PRKCE: variants seen among roughly 807,000 people sequenced by gnomAD.
The protein encoded by PRKCE is protein kinase C epsilon type.
In PRKCE, 16 loss-of-function variants were observed where a neutral mutation model predicts 85.4. That is an observed-to-expected ratio of 0.19 (90% CI 0.13 to 0.28). The LOEUF is 0.28. PRKCE is among the 10% of genes least tolerant of loss of function. PRKCE has a pLI of 1.00. For synonymous variants in PRKCE, 388 were observed against 371.5 expected, an observed-to-expected ratio of 1.04 and a Z score of -0.51; for missense variants, 573 against 975.2, an observed-to-expected ratio of 0.59 and a Z score of 5.49.
intron 11 of PRKCE, among the ~76,000 whole-genome samples, chr2:46,132,400 C>T (rs1336617490): frequency 3.3e-5 from 5 of 152,162 alleles, no homozygotes; most frequent in Admixed American, 1.3e-4. Flanking sequence ...TCAGCATGCA[C>T]GAGCTGAACT....
intron 2 of PRKCE, among the ~76,000 whole-genome samples, chr2:45,877,910 A>G (rs745647408): frequency 4.6e-5 from 7 of 152,242 alleles, no homozygotes; most frequent in Non-Finnish European, 1.0e-4. Context: ...AAGAACAGGA[A>G]CTTCACCGAA....
chr2:45,920,744 CAG>C (rs547660410), intron 2 of PRKCE, among the ~76,000 whole-genome samples: 5 of 152,126 alleles, frequency 3.3e-5, no homozygotes, highest in East Asian at 1.9e-4. Context: ...AATTGGAGAA[CAG>C]GGGGTGGTCG....
At chr2:46,143,364 GC>G (rs1013613530) in intron 11 of PRKCE, among the ~76,000 whole-genome samples, 6 of 152,044 alleles carry the variant, frequency 3.9e-5, no homozygotes, top group African/African-American at 1.4e-4. Flanking sequence ...ACTCAGTGGG[GC>G]CCCAGCTGTC....
intron 2 of PRKCE, among the ~76,000 whole-genome samples, chr2:45,964,760 T>C (rs757590427): frequency 6.6e-6 from 1 of 152,222 alleles, no homozygotes; most frequent in Non-Finnish European, 1.5e-5. Context: ...GGCAGTGAGA[T>C]TGGGGTTTGG....
intron 1 of PRKCE, among the ~76,000 whole-genome samples, chr2:45,695,038 C>T (rs1239175549): frequency 6.6e-6 from 1 of 152,124 alleles, no homozygotes; most frequent in African/African-American, 2.4e-5. Flanking sequence ...GCCCTCTGCC[C>T]CTGTGAGACA....
intron 1 of PRKCE, among the ~76,000 whole-genome samples, chr2:45,835,441 C>T (rs1414043417): frequency 1.3e-5 from 2 of 152,138 alleles, no homozygotes; most frequent in African/African-American, 4.8e-5. Context: ...TGGCCACTTC[C>T]AGCTCCAGGG....
chr2:45,910,973 G>C (rs1697341701), intron 2 of PRKCE, among the ~76,000 whole-genome samples: 1 of 152,196 alleles, frequency 6.6e-6, no homozygotes, highest in South Asian at 2.1e-4. Flanking sequence ...CTGGGGAATG[G>C]AAAACAGGGC....
chr2:45,982,178 G>A (rs1458140239), intron 5 of PRKCE, among the ~76,000 whole-genome samples: 1 of 152,236 alleles, frequency 6.6e-6, no homozygotes, highest in Non-Finnish European at 1.5e-5. Flanking sequence ...CCAGAGGCCA[G>A]TCTCCCTTAG....
At chr2:45,667,377 G>C (rs896300651) in intron 1 of PRKCE, among the ~76,000 whole-genome samples, 1 of 152,162 alleles carries the variant, frequency 6.6e-6, no homozygotes, top group South Asian at 2.1e-4. Context: ...CAAACTCCTG[G>C]CATCAAGTGA....
At position 45,879,882 on chromosome 2, in the gene PRKCE, AATGT is replaced by A. The variant is rs574395137; in HGVS notation, c.412+36820_412+36823del. 9.2e-5 allele frequency among the ~76,000 whole-genome samples: 14 copies of A among 152,260 alleles called. No individual in the cohort carries two copies. The South Asian group carries it at 2.9e-3, about 32-fold the overall frequency. On this transcript the variant is annotated intron_variant, in intron 2 of 14. Transcript: ENST00000306156. Reference sequence around the variant, plus strand: ...CAAACACTTATTTCTTTGTGTTGGGAATGTTAAATATCCTCCTCCTACCTATTTG... The same window carrying A: ...CAAACACTTATTTCTTTGTGTTGGGATAAATATCCTCCTCCTACCTATTTG...
intron 1 of PRKCE, among the ~76,000 whole-genome samples, chr2:45,704,540 T>C (rs1300503462): frequency 6.6e-6 from 1 of 152,242 alleles, no homozygotes; most frequent in South Asian, 2.1e-4. Flanking sequence ...TAAAGTGTCA[T>C]GACATGGCCT....
At chr2:45,791,172 C>T (rs1359824752) in intron 1 of PRKCE, among the ~76,000 whole-genome samples, 1 of 152,216 alleles carries the variant, frequency 6.6e-6, no homozygotes, top group Non-Finnish European at 1.5e-5. Context: ...GGGATAGTTT[C>T]TGTGCCCTGC....
intron 1 of PRKCE, among the ~76,000 whole-genome samples, chr2:45,816,320 G>T (rs931517572): frequency 6.6e-6 from 1 of 152,088 alleles, no homozygotes; most frequent in Non-Finnish European, 1.5e-5. Context: ...AATGATATTT[G>T]TTCACTACCC....
intron 10 of PRKCE, chr2:46,078,328 GA>G (rs1668731844): frequency 6.7e-6 from 1 of 149,698 alleles, no homozygotes; most frequent in South Asian, 2.1e-4. Flanking sequence ...CAGGAGTCAG[GA>G]GTTCAAAACC....
rs1224614707 is a variant in PRKCE at position 46,145,469 on chromosome 2, G to A, written c.1731+238G>A. 4.6e-5 allele frequency among the ~76,000 whole-genome samples: 7 copies of A among 152,166 alleles called. No individual in the cohort carries two copies. The highest frequency in any genetic ancestry group is 7.2e-5 in the African/African-American group (3 of 41,424). On this transcript the variant is annotated intron_variant, in intron 12 of 14. Transcript: ENST00000306156. The surrounding 1 kb of genome is among the most constrained non-coding windows in gnomAD (Gnocchi z 4.6). Reference sequence around the variant, plus strand: ...GAGTAACAGGCTATTTCCCAAACCCGGGCAAGTTCACACTGAACATCTCTT... The same window carrying A: ...GAGTAACAGGCTATTTCCCAAACCCAGGCAAGTTCACACTGAACATCTCTT...
intron 1 of PRKCE, among the ~76,000 whole-genome samples, chr2:45,705,705 C>T (rs1679058083): frequency 6.6e-6 from 1 of 152,202 alleles, no homozygotes; most frequent in South Asian, 2.1e-4. Context: ...AGCTGAATAT[C>T]CCTGAGTGTC....
chr2:45,797,370 G>C (rs1005394779), intron 1 of PRKCE, among the ~76,000 whole-genome samples: 1 of 152,210 alleles, frequency 6.6e-6, no homozygotes, highest in Non-Finnish European at 1.5e-5. Flanking sequence ...CACGACTGCG[G>C]TAACCACACA....
chr2:45,783,553 T>A (rs1420512269), intron 1 of PRKCE, among the ~76,000 whole-genome samples: 1 of 152,270 alleles, frequency 6.6e-6, no homozygotes, highest in African/African-American at 2.4e-5. Flanking sequence ...GCAGGTTTTT[T>A]ATACCTTATG....
Position 46,000,118 on chromosome 2 carries a change from G to A in PRKCE, c.824-1286G>A, listed in dbSNP as rs942151749. ...TGAGTCTAGTTCTGATGTTTGCCTT[G>A]TCACTTCAAACTGGTTTTTTGGGGT... is the stretch of plus-strand genomic sequence containing the variant. On this transcript the variant is annotated intron_variant, in intron 6 of 14. Coordinates refer to ENST00000306156, the MANE Select transcript of PRKCE (RefSeq NM_005400.3). Among the ~76,000 whole-genome samples, 4 of 150,786 alleles carry A rather than the reference G, an allele frequency of 2.7e-5. No homozygotes were observed. The South Asian group carries it at 6.3e-4, about 24-fold the overall frequency.
Sources: gnomAD v4.1 joint callset for allele counts (sites outside exome capture counted in the v4.1 genomes callset) on GRCh38, gnomAD v4.1.1 for gene constraint, Gnocchi (gnomAD v3.1) non-coding constraint, MANE v1.5 for transcripts, NCBI Gene and HGNC (gene_info 2026-07-23, HGNC 2026-07-21) for gene names.